CDHR5: variants seen among roughly 807,000 people sequenced by gnomAD.
CDHR5 encodes the protein cadherin-related family member 5.
Under a neutral mutation model 69.5 loss-of-function variants are expected in CDHR5, and 82 were observed. The ratio of observed to expected loss-of-function variants is 1.18; its 90% CI spans 0.99 to 1.42. CDHR5 has a LOEUF of 1.42. Among genes scored for constraint, CDHR5 ranks in the 40% most tolerant of loss-of-function variants. The pLI is 0.00. For synonymous variants in CDHR5, 601 were observed against 510.2 expected (o/e 1.18, Z -2.40); for missense variants, 1,293 against 1,168.9 (o/e 1.11, Z -1.55).
At position 618,991 on chromosome 11, in the gene CDHR5, C is replaced by G; in HGVS notation, c.1568G>C (p.Gly523Ala). The change falls in exon 13 of 15, where the codon GGT becomes GCT. Residue 523 changes from glycine to alanine, a missense_variant. Coordinates refer to ENST00000397542, the MANE Select transcript of CDHR5 (RefSeq NM_021924.5). ...PTSSTPGGPP[G>A]AENSTSHQPA... The stretch of plus-strand genomic sequence containing the variant: ...TTGGTGGGAGGTGCTGTTTTCTGCA[C>G]CCGGGGGCCCCCCGGGTGTGGACGA... 1.2e-6 allele frequency: 2 copies of G among 1,613,116 alleles called. No homozygotes were observed. Among genetic ancestry groups the G allele is most frequent in the Non-Finnish European group, 8.5e-7 (1 of 1,179,616 alleles).
intron 13 of CDHR5, 41 bp downstream of exon 13, chr11:618,558 T>C (rs779880173): frequency 1.2e-6 from 2 of 1,607,544 alleles, no homozygotes; most frequent in Non-Finnish European, 1.7e-6. Context: ...TACCAGCCAA[T>C]GACCGGAGTC....
chr11:616,853 G>A lies in CDHR5; in HGVS notation c.*498C>T, dbSNP rs1405730389. 5.6e-6 allele frequency: 1 copy of A among 177,462 alleles called. No individual in the cohort carries two copies. Among genetic ancestry groups the A allele is most frequent in the Non-Finnish European group, 1.2e-5 (1 of 81,810 alleles). 11.0% of individuals were successfully genotyped at this position (177,462 alleles called of 1,614,324 possible). A position where few individuals can be genotyped will look rare whatever the true frequency, so the allele number is the denominator to read the frequency against. ...CATGTAGATTTCAGAAGGGGACTAG[G>A]ACCCCCGGCAGGTGTTTGAGACCAC... On this transcript the variant is annotated 3_prime_UTR_variant, in exon 15 of 15. Coordinates refer to ENST00000397542, the MANE Select transcript of CDHR5 (RefSeq NM_021924.5).
intron 8 of CDHR5, 43 bp downstream of exon 8, chr11:620,253 C>T (rs1422487311): frequency 1.3e-6 from 2 of 1,587,068 alleles, no homozygotes; most frequent in Non-Finnish European, 1.7e-6. Flanking sequence ...GAGACAGGGA[C>T]AGAGGGGGTA....
chr11:620,445 G>C lies in CDHR5; in HGVS notation c.790-59C>G, dbSNP rs1857306756. On this transcript the variant is annotated intron_variant, in intron 7 of 14. Transcript: ENST00000397542. Reference sequence around the variant, plus strand: ...GGGCTGGGGTGGATGGCCCCAGCCTGGCCCCTCTGACTCCCCATCAAGGGC... The same window carrying C: ...GGGCTGGGGTGGATGGCCCCAGCCTCGCCCCTCTGACTCCCCATCAAGGGC... 3.2e-6 allele frequency: 4 copies of C among 1,240,912 alleles called. No homozygotes were observed. In the Admixed American group the frequency reaches 8.6e-5, roughly 27 times the overall value. 76.9% of individuals were successfully genotyped at this position (1,240,912 alleles called of 1,614,324 possible).
chr11:618,519 G>T, intron 13 of CDHR5, 80 bp downstream of exon 13: 1 of 1,524,764 alleles, frequency 6.6e-7, no homozygotes, highest in Non-Finnish European at 9.0e-7. Context: ...AGGTCAGCCT[G>T]GGGTGGACCC....
At position 624,293 on chromosome 11, in the gene CDHR5, G is replaced by A. The variant is rs760115203; in HGVS notation, c.262-30C>T. The stretch of plus-strand genomic sequence containing the variant: ...GGATGTAGACAGGTCTGCAGTCACC[G>A]TCCTGCCCCACAGGTGGGGAGACTG... On this transcript the variant is annotated intron_variant, in intron 2 of 14. Transcript: ENST00000397542. The surrounding 1 kb of genome is among the most constrained non-coding windows in gnomAD (Gnocchi z 5.3). 13 of 752,726 alleles carry A rather than the reference G, an allele frequency of 1.7e-5. No individual in the cohort carries two copies. Among genetic ancestry groups the A allele is most frequent in the East Asian group, 7.5e-5 (3 of 39,988 alleles). The allele number at this position is 752,726 out of a possible 1,614,324, so 46.6% of individuals were successfully genotyped here. A position where few individuals can be genotyped will look rare whatever the true frequency, so the allele number is the denominator to read the frequency against.
In CDHR5 at chr11:620,193, C is replaced by T. The variant is rs146885631; in HGVS notation, c.881-29G>A. 1.6e-4 allele frequency: 259 copies of T among 1,601,102 alleles called. 4 individuals are homozygous for T. The African/African-American group carries it at 2.5e-3, about 15-fold the overall frequency. ...GGAGGATGATGGAAGTGCTCAGCCC[C>T]GGCCCCCTGAGGCCCAGGGACCCAG... On this transcript the variant is annotated intron_variant, in intron 8 of 14. Coordinates refer to ENST00000397542, the MANE Select transcript of CDHR5 (RefSeq NM_021924.5).
In CDHR5 at chr11:621,968, G is replaced by A. The variant is rs920919221; in HGVS notation, c.313-64C>T. The A allele has an allele frequency of 2.7e-5, 36 of 1,313,830 alleles. No individual in the cohort carries two copies. The African/African-American group carries it at 3.1e-4, about 11-fold the overall frequency. The allele number at this position is 1,313,830 out of a possible 1,614,324, so 81.4% of individuals were successfully genotyped here. On this transcript the variant is annotated intron_variant, in intron 3 of 14. Coordinates refer to ENST00000397542, the MANE Select transcript of CDHR5 (RefSeq NM_021924.5). This position sits in a 1 kb window ranked among gnomAD's most constrained non-coding sequence, Gnocchi z 4.4. Reference sequence around the variant, plus strand: ...CCCGTTGTGAGGTGCACCCCTCGACGGCTATCCGTCCCCACCGTGAGTGAG... The same window carrying A: ...CCCGTTGTGAGGTGCACCCCTCGACAGCTATCCGTCCCCACCGTGAGTGAG...
rs1421386631 is a variant in CDHR5, at chr11:617,716, T to G, written c.2173A>C (p.Asn725His). 6.8e-7 allele frequency: 1 copy of G among 1,459,902 alleles called. No individual in the cohort carries two copies. Among genetic ancestry groups the G allele is most frequent in the Non-Finnish European group, 9.0e-7 (1 of 1,114,158 alleles). 90.4% of individuals were successfully genotyped at this position (1,459,902 alleles called of 1,614,324 possible). ...GTGGGGCTGGGGACGGGCGCCCAGT[T>G]GGCCTTGTGGTCAGGGAGGAACGCC... is the stretch of plus-strand genomic sequence containing the variant. Reference protein sequence around the residue: ...NQAFLPDHKANWAPVPSPTHD... With the variant: ...NQAFLPDHKAHWAPVPSPTHD... Residue 725 changes from asparagine to histidine, a missense_variant, in exon 15 of 15, where the codon AAC (asparagine) becomes CAC (histidine). Asn to His is a moderately conservative substitution (Grantham distance 68). Transcript: ENST00000397542.
Position 620,121 on chromosome 11 carries a change from G to T in CDHR5, c.924C>A (p.Asn308Lys), listed in dbSNP as rs762278310. Residue 308 changes from asparagine to lysine, a missense_variant, in exon 9 of 15, where the codon AAC becomes AAA. Transcript: ENST00000397542. ...TGGGGACACTCCTGGCCACGGTGAG[G>T]TTGCCCGAGTCTGGGTGGATGATGA... ...GTFIIHPDSGNLTVARSVPSP... is the reference protein window; with the variant it reads ...GTFIIHPDSGKLTVARSVPSP... 2 of 1,613,660 alleles carry T rather than the reference G, an allele frequency of 1.2e-6. No homozygotes were observed. The highest frequency in any genetic ancestry group is 2.2e-5 in the East Asian group (1 of 44,868).
rs758767628 is a variant in CDHR5 at position 621,340 on chromosome 11, C to T, written c.618+5G>A. On this transcript the variant is annotated splice_donor_5th_base_variant and intron_variant, in intron 6 of 14. Transcript: ENST00000397542. The surrounding 1 kb of genome is among the most constrained non-coding windows in gnomAD (Gnocchi z 4.4). ...TGGGACTCGGGGCTGGGGTGACCTG[C>T]TCACCCGCACCAGCAGCCAGAAGGT... The T allele has an allele frequency of 4.3e-6, 7 of 1,612,150 alleles. No individual in the cohort carries two copies. The highest frequency in any genetic ancestry group is 1.3e-5 in the African/African-American group (1 of 74,844).
chr11:619,612 C>A (rs1564895793), intron 10 of CDHR5, 25 bp from the exon 11 acceptor site: 1 of 1,605,320 alleles, frequency 6.2e-7, no homozygotes, highest in South Asian at 1.1e-5. Context: ...ATTGAGTCCC[C>A]GGCCAGGCTG....
chr11:619,069 C>A lies in CDHR5; in HGVS notation c.1490G>T (p.Gly497Val). The A allele has an allele frequency of 6.2e-7, 1 of 1,612,634 alleles. No homozygotes were observed. Among genetic ancestry groups the A allele is most frequent in the Non-Finnish European group, 8.5e-7 (1 of 1,179,720 alleles). ...GGGTGGATGAGGGCCTGTGCCTCCC[C>A]CAGAGCTGGTCGTGGAGGGTCCCTG... is the stretch of plus-strand genomic sequence containing the variant. ...PSQGPSTTSSGGGTGPHPPSG... is the reference protein window; with the variant it reads ...PSQGPSTTSSVGGTGPHPPSG... Residue 497 changes from glycine (G) to valine (V), a missense_variant, in exon 13 of 15, where the codon GGG becomes GTG. By Grantham distance (109) the Gly-to-Val change is moderately radical. Coordinates refer to ENST00000397542, the MANE Select transcript of CDHR5 (RefSeq NM_021924.5).
chr11:617,042 G>T lies in CDHR5; in HGVS notation c.*309C>A, dbSNP rs2740381. On this transcript the variant is annotated 3_prime_UTR_variant, in exon 15 of 15. Transcript: ENST00000397542. ...CCCCCTCGGGCTGTGGTTAGAGCGG[G>T]AGAGGAACTTCCCAGACTAGCTGGC... 11 of 426,520 alleles carry T rather than the reference G, an allele frequency of 2.6e-5. No homozygotes were observed. Among genetic ancestry groups the T allele is most frequent in the African/African-American group, 2.3e-4 (11 of 48,438 alleles). 26.4% of individuals were successfully genotyped at this position (426,520 alleles called of 1,614,324 possible). A position where few individuals can be genotyped will look rare whatever the true frequency, so the allele number is the denominator to read the frequency against.
At position 616,821 on chromosome 11, in the gene CDHR5, A is replaced by G. The variant is rs1856924826; in HGVS notation, c.*530T>C. On this transcript the variant is annotated 3_prime_UTR_variant, in exon 15 of 15. Coordinates refer to ENST00000397542, the MANE Select transcript of CDHR5 (RefSeq NM_021924.5). ...GCAGGGTGTTTACTGCTGCGCTCCAACCCAAGCATGTAGATTTCAGAAGGG... is the reference window on the plus strand; with the variant it reads ...GCAGGGTGTTTACTGCTGCGCTCCAGCCCAAGCATGTAGATTTCAGAAGGG... 1 of 165,788 alleles carries G rather than the reference A, an allele frequency of 6.0e-6. No homozygotes were observed. Among genetic ancestry groups the G allele is most frequent in the Non-Finnish European group, 1.3e-5 (1 of 74,674 alleles). 10.3% of individuals were successfully genotyped at this position (165,788 alleles called of 1,614,324 possible).
At chr11:622,885 G>T (rs932598538) in intron 3 of CDHR5, among the ~76,000 whole-genome samples, 1 of 152,134 alleles carries the variant, frequency 6.6e-6, no homozygotes, top group African/African-American at 2.4e-5. Flanking sequence ...GTCTCTGAAG[G>T]GTTTTTTAAC....
rs1401949909 is a variant in CDHR5 at position 617,155 on chromosome 11, C to T, written c.*196G>A. 1.9e-5 allele frequency: 11 copies of T among 592,212 alleles called. No individual in the cohort carries two copies. The highest frequency in any genetic ancestry group is 4.4e-4 in the Middle Eastern group (1 of 2,248). 36.7% of individuals were successfully genotyped at this position (592,212 alleles called of 1,614,324 possible). A position where few individuals can be genotyped will look rare whatever the true frequency, so the allele number is the denominator to read the frequency against. ...GTGGGGACAGCGTGGCCAGACCCAC[C>T]GCCTCATCTGCACACCTGGGCTCAA... is the stretch of plus-strand genomic sequence containing the variant. On this transcript the variant is annotated 3_prime_UTR_variant, in exon 15 of 15. Transcript: ENST00000397542.
Position 621,056 on chromosome 11 carries a change from G to A in CDHR5, c.789+24C>T. ...GCCTGCCTAGAAGGCCCTGCCCCGT[G>A]CACTGCCCCTCCCTCCCCATTACCA... On this transcript the variant is annotated intron_variant, in intron 7 of 14. Coordinates refer to ENST00000397542, the MANE Select transcript of CDHR5 (RefSeq NM_021924.5). This position sits in a 1 kb window ranked among gnomAD's most constrained non-coding sequence, Gnocchi z 4.4. 6.0e-6 allele frequency: 9 copies of A among 1,506,892 alleles called. No individual in the cohort carries two copies. The highest frequency in any genetic ancestry group is 8.0e-6 in the Non-Finnish European group (9 of 1,123,154). The allele number at this position is 1,506,892 out of a possible 1,614,324, so 93.3% of individuals were successfully genotyped here. A position where few individuals can be genotyped will look rare whatever the true frequency, so the allele number is the denominator to read the frequency against.
chr11:617,140 C>T lies in CDHR5; in HGVS notation c.*211G>A, dbSNP rs753480443. On this transcript the variant is annotated 3_prime_UTR_variant, in exon 15 of 15. Transcript: ENST00000397542. ...TGCTGCAGCCTTGGGGTGGGGACAG[C>T]GTGGCCAGACCCACCGCCTCATCTG... 33 of 581,830 alleles carry T rather than the reference C, an allele frequency of 5.7e-5. No homozygotes were observed. The highest frequency in any genetic ancestry group is 1.2e-4 in the East Asian group (4 of 34,752). 36.0% of individuals were successfully genotyped at this position (581,830 alleles called of 1,614,324 possible).
Sources: allele counts gnomAD v4.1 joint callset (sites outside exome capture counted in the v4.1 genomes callset), GRCh38; gene constraint gnomAD v4.1.1; non-coding constraint Gnocchi (gnomAD v3.1); transcripts MANE v1.5; gene names NCBI Gene and HGNC (gene_info 2026-07-23, HGNC 2026-07-21).